NCAM2: variants seen among roughly 807,000 people sequenced by gnomAD.
The protein encoded by NCAM2 is neural cell adhesion molecule 2.
NCAM2 carries 30 observed loss-of-function variants against 98.1 expected under a neutral mutation model. The observed-to-expected ratio is 0.31, with a 90% CI of 0.23 to 0.41. The LOEUF is 0.41. Ranked by LOEUF, NCAM2 falls within the 10% of genes least tolerant of loss-of-function variation. The pLI is 1.00. For missense variants in NCAM2, 867 were observed against 1,005.8 expected, an observed-to-expected ratio of 0.86 and a Z score of 1.87; for synonymous variants, 368 against 342.4, an observed-to-expected ratio of 1.07 and a Z score of -0.83.
At chr21:21,053,973 A>G (rs553012931) in intron 1 of NCAM2, among the ~76,000 whole-genome samples, 22 of 151,098 alleles carry the variant, frequency 1.5e-4, no homozygotes, top group Non-Finnish European at 2.2e-4. Context: ...ACATCTTTAT[A>G]TAATTTGGTA....
chr21:21,349,592 A>C (rs2075280242), intron 8 of NCAM2, among the ~76,000 whole-genome samples: 1 of 152,188 alleles, frequency 6.6e-6, no homozygotes, highest in Non-Finnish European at 1.5e-5. Flanking sequence ...TATACCCAAA[A>C]GAAAGGAAAT....
At chr21:21,514,168 A>G (rs929769798) in intron 16 of NCAM2, among the ~76,000 whole-genome samples, 4 of 150,936 alleles carry the variant, frequency 2.7e-5, no homozygotes, top group Non-Finnish European at 5.9e-5. Context: ...AAATATTTAC[A>G]TATGAAATAT....
chr21:21,292,689 A>G (rs891073743), intron 5 of NCAM2, among the ~76,000 whole-genome samples: 3 of 151,916 alleles, frequency 2.0e-5, no homozygotes, highest in African/African-American at 7.2e-5. Flanking sequence ...TTATGAAATC[A>G]TGATGAAATC....
At chr21:21,255,973 C>T (rs748933535) in intron 1 of NCAM2, among the ~76,000 whole-genome samples, 1 of 152,164 alleles carries the variant, frequency 6.6e-6, no homozygotes, top group Admixed American at 6.5e-5. Flanking sequence ...TAGTGTAAGT[C>T]CATGGCCCTG....
rs553349487 is a variant in NCAM2, at chr21:21,344,790, G to A, written c.1044+6256G>A. ...CTAAAGCCTTGAGCGAGCATAGGCA[G>A]TAGCCAGGGAGAGGTTACAACAGGC... is the stretch of plus-strand genomic sequence containing the variant. On this transcript the variant is annotated intron_variant, in intron 8 of 17. Coordinates refer to ENST00000400546, the MANE Select transcript of NCAM2 (RefSeq NM_004540.5). 1.8e-4 allele frequency among the ~76,000 whole-genome samples: 28 copies of A among 152,312 alleles called. No homozygotes were observed. The South Asian group carries it at 2.3e-3, about 12-fold the overall frequency.
intron 9 of NCAM2, among the ~76,000 whole-genome samples, chr21:21,390,960 A>C (rs908888209): frequency 2.0e-5 from 3 of 152,360 alleles, no homozygotes; most frequent in Admixed American, 1.3e-4. Flanking sequence ...ATTGATAAGA[A>C]AAACAAACAA....
At chr21:21,285,095 A>G (rs2073055465) in intron 3 of NCAM2, among the ~76,000 whole-genome samples, 2 of 151,818 alleles carry the variant, frequency 1.3e-5, no homozygotes, top group South Asian at 2.1e-4. Context: ...TAGTTTCCTC[A>G]TATATAAACT....
At chr21:21,142,080 T>G (rs545293515) in intron 1 of NCAM2, among the ~76,000 whole-genome samples, 1 of 152,308 alleles carries the variant, frequency 6.6e-6, no homozygotes, top group East Asian at 1.9e-4. Context: ...CTTGATCTCC[T>G]TTCTTCTGGT....
At chr21:21,052,963 G>A (rs1253883468) in intron 1 of NCAM2, among the ~76,000 whole-genome samples, 1 of 151,646 alleles carries the variant, frequency 6.6e-6, no homozygotes, top group Non-Finnish European at 1.5e-5. Context: ...TGCTTTGCTT[G>A]CTTATTCTCC....
chr21:21,425,587 G>T (rs1862562499), intron 11 of NCAM2, among the ~76,000 whole-genome samples: 1 of 151,962 alleles, frequency 6.6e-6, no homozygotes, highest in Non-Finnish European at 1.5e-5. Flanking sequence ...AGGTAAAAAT[G>T]GGAAAACCAA....
At chr21:21,225,586 C>T (rs928857) in intron 1 of NCAM2, among the ~76,000 whole-genome samples, 1 of 152,186 alleles carries the variant, frequency 6.6e-6, no homozygotes, top group African/African-American at 2.4e-5. Flanking sequence ...CAGAATATGT[C>T]TGCATATTTT....
chr21:21,344,656 C>CT (rs1218004020), intron 8 of NCAM2, among the ~76,000 whole-genome samples: 1 of 152,184 alleles, frequency 6.6e-6, no homozygotes, highest in Non-Finnish European at 1.5e-5. Context: ...CCTCTAGTCT[C>CT]TGACTCCTAG....
chr21:21,119,665 TAAG>T (rs1309071340), intron 1 of NCAM2, among the ~76,000 whole-genome samples: 2 of 152,204 alleles, frequency 1.3e-5, no homozygotes, highest in African/African-American at 2.4e-5. Context: ...TAAGGAGCTT[TAAG>T]AAGATTTGTT....
intron 8 of NCAM2, 75 bp from the exon 9 acceptor site, chr21:21,373,786 CAT>C: frequency 1.6e-6 from 2 of 1,234,386 alleles, no homozygotes; most frequent in Middle Eastern, 2.1e-4. Flanking sequence ...TGGGAAGTAA[CAT>C]AATGTTATAT....
chr21:21,418,040 T>C (rs1602278929), intron 10 of NCAM2, among the ~76,000 whole-genome samples: 1 of 152,020 alleles, frequency 6.6e-6, no homozygotes, highest in African/African-American at 2.4e-5. Flanking sequence ...AATGCTTTTA[T>C]TACAAGCTTC....
chr21:21,239,567 C>A (rs8133394), intron 1 of NCAM2, among the ~76,000 whole-genome samples: 2,125 of 152,206 alleles, frequency 0.014, 44 homozygotes, highest in African/African-American at 0.049. Flanking sequence ...TATACATCAC[C>A]TAATTATTAA....
rs549655062 is a variant in NCAM2, at chr21:21,365,345, G to A, written c.1045-8518G>A. Among the ~76,000 whole-genome samples the A allele has an allele frequency of 4.6e-5, 7 of 151,714 alleles. No homozygotes were observed. The East Asian group carries it at 1.4e-3, about 30-fold the overall frequency. On this transcript the variant is annotated intron_variant, in intron 8 of 17. Coordinates refer to ENST00000400546, the MANE Select transcript of NCAM2 (RefSeq NM_004540.5). ...TTGCTTTGGTTGTGTGGCCAAAATAGCCCTAAACTAAAAGTTGTTCCCAAC... is the reference window on the plus strand; with the variant it reads ...TTGCTTTGGTTGTGTGGCCAAAATAACCCTAAACTAAAAGTTGTTCCCAAC...
chr21:21,196,649 G>A (rs2069015595), intron 1 of NCAM2, among the ~76,000 whole-genome samples: 1 of 152,216 alleles, frequency 6.6e-6, no homozygotes, highest in Admixed American at 6.5e-5. Context: ...GTATCAAGTA[G>A]TGAGTGTGGT....
rs1156894095 is a variant in NCAM2, at chr21:21,540,392, G to C, written c.*2435G>C. 1.3e-5 allele frequency: 2 copies of C among 151,566 alleles called. No homozygotes were observed. The highest frequency in any genetic ancestry group is 2.4e-5 in the African/African-American group (1 of 41,288). 9.4% of individuals were successfully genotyped at this position (151,566 alleles called of 1,614,324 possible). On this transcript the variant is annotated 3_prime_UTR_variant, in exon 18 of 18. Coordinates refer to ENST00000400546, the MANE Select transcript of NCAM2 (RefSeq NM_004540.5). ...GCTAATTATATTCAGACTATTTCAA[G>C]TGCACTGTTTCAGTTGCCCGGGTGG... is the stretch of plus-strand genomic sequence containing the variant.
Sources: allele counts gnomAD v4.1 joint callset (sites outside exome capture counted in the v4.1 genomes callset), GRCh38; gene constraint gnomAD v4.1.1; transcripts MANE v1.5; gene names NCBI Gene and HGNC (gene_info 2026-07-23, HGNC 2026-07-21).